The following RBPJ variants were observed in gnomAD, a reference collection of about 807,000 sequenced individuals.
The protein encoded by RBPJ is recombination signal binding protein for immunoglobulin kappa J region, also known as recombining binding protein suppressor of hairless.
A neutral mutation model predicts 67.8 loss-of-function variants in RBPJ; 9 were observed. The observed-to-expected ratio is 0.13, with a 90% CI of 0.08 to 0.23. The LOEUF (loss-of-function observed/expected upper bound fraction) is 0.23. Ranked by LOEUF, RBPJ falls within the 10% of genes least tolerant of loss-of-function variation. The pLI, the probability that RBPJ is intolerant of heterozygous loss-of-function variation, is 1.00. For synonymous variants in RBPJ, 198 were observed against 203.3 expected (o/e 0.97, Z 0.22); for missense variants, 305 against 595.6 (o/e 0.51, Z 5.08).
chr4:26,195,557 G>A (rs1717726672), intron 1 of RBPJ, among the ~76,000 whole-genome samples: 1 of 151,922 alleles, frequency 6.6e-6, no homozygotes, highest in Admixed American at 6.6e-5. Context: ...GGTCTATATC[G>A]AACTTCGAAA....
At chr4:26,290,317 TAAA>T (rs35451160) in intron 1 of RBPJ, among the ~76,000 whole-genome samples, 9 of 109,354 alleles carry the variant, frequency 8.2e-5, no homozygotes, top group Admixed American at 9.4e-5. Context: ...AGACCCTGTC[TAAA>T]AAAAAAAAAA....
the RBPJ span, among the ~76,000 whole-genome samples, chr4:26,139,817 A>G: frequency 1.3e-5 from 2 of 152,092 alleles, no homozygotes; most frequent in African/African-American, 2.4e-5. Flanking sequence ...AGGCTGTTGA[A>G]TTTTCACTCA....
intron 1 of RBPJ, among the ~76,000 whole-genome samples, chr4:26,375,371 A>T (rs765663780): frequency 1.3e-5 from 2 of 151,756 alleles, no homozygotes; most frequent in Non-Finnish European, 2.9e-5. Context: ...CCTGCCCTCC[A>T]GTAGCTGCTA....
At chr4:26,171,767 C>A (rs892996485) in intron 1 of RBPJ, among the ~76,000 whole-genome samples, 1 of 152,174 alleles carries the variant, frequency 6.6e-6, no homozygotes, top group African/African-American at 2.4e-5. Flanking sequence ...AGTACAGCCA[C>A]CCGCTGTGTG....
chr4:26,320,631 TCTC>T (rs372447891), upstream of RBPJ: 2 of 1,178,284 alleles, frequency 1.7e-6, no homozygotes, highest in Non-Finnish European at 1.2e-6. Context: ...CCTCCTCCCT[TCTC>T]CTCGGCCCCG....
intron 1 of RBPJ, among the ~76,000 whole-genome samples, chr4:26,192,629 G>A (rs554142106): frequency 6.6e-4 from 100 of 152,274 alleles, no homozygotes; most frequent in African/African-American, 2.3e-3. Context: ...ACATCCCACT[G>A]CTGGATGAGG....
chr4:26,158,717 G>C (rs554122911), upstream of RBPJ, among the ~76,000 whole-genome samples: 16 of 152,280 alleles, frequency 1.1e-4, no homozygotes, highest in African/African-American at 3.9e-4. Context: ...CAATGGTGTA[G>C]ACTTTGAATT....
chr4:26,255,287 C>A (rs1334068281), intron 1 of RBPJ, among the ~76,000 whole-genome samples: 3 of 134,700 alleles, frequency 2.2e-5, no homozygotes, highest in African/African-American at 9.4e-5. Context: ...GCCTGTAGTC[C>A]CAGCTACTCG....
the RBPJ span, among the ~76,000 whole-genome samples, chr4:26,118,547 A>G: frequency 6.6e-6 from 1 of 152,158 alleles, no homozygotes; most frequent in South Asian, 2.1e-4. Context: ...ATGAAAGATC[A>G]CTCGGGCTTG....
chr4:26,424,233 TAAATG>T lies in RBPJ; in HGVS notation c.497-107_497-103del. 9.5e-7 allele frequency: 1 copy of T among 1,055,948 alleles called. No homozygotes were observed. The highest frequency in any genetic ancestry group is 1.4e-6 in the Non-Finnish European group (1 of 717,704). The allele number at this position is 1,055,948 out of a possible 1,614,324, so 65.4% of individuals were successfully genotyped here. On this transcript the variant is annotated intron_variant, in intron 5 of 10. Transcript: ENST00000355476. This position sits in a 1 kb window ranked among gnomAD's most constrained non-coding sequence, Gnocchi z 5.3. ...AAAGTGAAAATATTTGTCAAACTGT[TAAATG>T]ATAAGAAAGAATAATTATACACTGC...
At chr4:26,177,232 A>G (rs550893395) in intron 1 of RBPJ, among the ~76,000 whole-genome samples, 1 of 152,284 alleles carries the variant, frequency 6.6e-6, no homozygotes, top group African/African-American at 2.4e-5. Flanking sequence ...TCGTCACTGG[A>G]GGAGACATGA....
At position 26,430,120 on chromosome 4, in the gene RBPJ, A is replaced by G; in HGVS notation, c.1044+67A>G. 2 of 1,521,826 alleles carry G rather than the reference A, an allele frequency of 1.3e-6. No individual in the cohort carries two copies. Among genetic ancestry groups the G allele is most frequent in the Non-Finnish European group, 1.8e-6 (2 of 1,099,272 alleles). The allele number at this position is 1,521,826 out of a possible 1,614,324, so 94.3% of individuals were successfully genotyped here. On this transcript the variant is annotated intron_variant, in intron 9 of 10. Coordinates refer to ENST00000355476, the MANE Select transcript of RBPJ (RefSeq NM_015874.6). The surrounding 1 kb of genome is among the most constrained non-coding windows in gnomAD (Gnocchi z 4.1). ...CTACTCTCAGCTGTGACCTGGCATC[A>G]TTTCATTTCATGGGAGTTTTGATTT...
At chr4:26,260,458 A>C (rs967926686) in intron 1 of RBPJ, among the ~76,000 whole-genome samples, 5 of 152,190 alleles carry the variant, frequency 3.3e-5, no homozygotes, top group African/African-American at 1.2e-4. Flanking sequence ...CTTGATCTTC[A>C]ATTCTCTTAC....
intron 1 of RBPJ, among the ~76,000 whole-genome samples, chr4:26,167,445 T>TG: frequency 6.8e-6 from 1 of 147,732 alleles, no homozygotes; most frequent in South Asian, 2.2e-4. Flanking sequence ...CCTTGTAAGT[T>TG]GGATTCCTAA....
chr4:26,291,954 A>G (rs554491086), intron 1 of RBPJ, among the ~76,000 whole-genome samples: 1 of 150,960 alleles, frequency 6.6e-6, no homozygotes, highest in Non-Finnish European at 1.5e-5. Flanking sequence ...AAATAAAACC[A>G]TACAAGTTTA....
chr4:26,214,974 G>GTGAGGGAGGAAGGAC (rs1560214219), intron 1 of RBPJ, among the ~76,000 whole-genome samples: 1 of 17,254 alleles, frequency 5.8e-5, no homozygotes, highest in Non-Finnish European at 9.3e-5. Flanking sequence ...GAGGGAGGGA[G>GTGAGGGAGGAAGGAC]GGAAGGAAGG....
At chr4:26,343,844 G>A (rs1242490166) in intron 1 of RBPJ, among the ~76,000 whole-genome samples, 4 of 137,434 alleles carry the variant, frequency 2.9e-5, no homozygotes, top group South Asian at 2.4e-4. Context: ...TCCACCTCCT[G>A]GGCTCAAGTG....
intron 1 of RBPJ, among the ~76,000 whole-genome samples, chr4:26,331,208 C>A (rs1337014347): frequency 6.6e-6 from 1 of 152,136 alleles, no homozygotes; most frequent in East Asian, 1.9e-4. Flanking sequence ...TCGTAATCAT[C>A]CCACTTGAGC....
chr4:26,420,048 A>G (rs1002321094), intron 4 of RBPJ, among the ~76,000 whole-genome samples: 18 of 152,102 alleles, frequency 1.2e-4, no homozygotes, highest in African/African-American at 4.3e-4. Flanking sequence ...GTTTTCCTCA[A>G]TCTTATAAGT....
Sources: allele counts gnomAD v4.1 joint callset (sites outside exome capture counted in the v4.1 genomes callset), GRCh38; gene constraint gnomAD v4.1.1; non-coding constraint Gnocchi (gnomAD v3.1); transcripts MANE v1.5; gene names NCBI Gene and HGNC (gene_info 2026-07-23, HGNC 2026-07-21).